The following RCOR3 variants were observed in gnomAD, a reference collection of about 807,000 sequenced individuals.
RCOR3 encodes REST corepressor 3.
A neutral mutation model predicts 64.1 loss-of-function variants in RCOR3; 13 were observed. The ratio of observed to expected loss-of-function variants is 0.20; its 90% confidence interval spans 0.13 to 0.32. RCOR3 has a LOEUF of 0.32. RCOR3 is among the 10% of genes least tolerant of loss of function. RCOR3 has a pLI of 1.00. For missense variants in RCOR3, 489 were observed against 701.2 expected, an observed-to-expected ratio of 0.70 and a Z score of 3.42; for synonymous variants, 215 against 239.0, an observed-to-expected ratio of 0.90 and a Z score of 0.93.
chr1:211,269,089 AC>A (rs1235266826), intron 2 of RCOR3, among the ~76,000 whole-genome samples: 1 of 152,232 alleles, frequency 6.6e-6, no homozygotes, highest in Non-Finnish European at 1.5e-5. Flanking sequence ...ATAAAGGATT[AC>A]AGTTTAACCT....
At chr1:211,274,879 A>G (rs1696735680) in intron 4 of RCOR3, among the ~76,000 whole-genome samples, 1 of 151,874 alleles carries the variant, frequency 6.6e-6, no homozygotes, top group South Asian at 2.1e-4. Context: ...CACTATAATT[A>G]GATCTATTGG....
chr1:211,285,257 G>C (rs1295924638), intron 7 of RCOR3, among the ~76,000 whole-genome samples: 1 of 152,194 alleles, frequency 6.6e-6, no homozygotes, highest in East Asian at 1.9e-4. Flanking sequence ...TGATCGTAAA[G>C]AGAATCGTTT....
At chr1:211,270,204 A>C (rs945152427) in intron 2 of RCOR3, among the ~76,000 whole-genome samples, 9 of 151,684 alleles carry the variant, frequency 5.9e-5, no homozygotes, top group African/African-American at 2.2e-4. Context: ...GCTGGATTAC[A>C]GGTGCGCGCC....
intron 8 of RCOR3, among the ~76,000 whole-genome samples, chr1:211,292,086 C>G (rs1214640048): frequency 6.6e-6 from 1 of 152,170 alleles, no homozygotes; most frequent in African/African-American, 2.4e-5. Flanking sequence ...AAAAAAAAAT[C>G]ACTTATGAAC....
chr1:211,271,678 A>G (rs1696226855), intron 3 of RCOR3: 1 of 367,990 alleles, frequency 2.7e-6, no homozygotes, highest in Non-Finnish European at 5.4e-6. Flanking sequence ...AGAGCCCACT[A>G]TCATTACCAT....
chr1:211,284,052 A>AT (rs1448190859), intron 7 of RCOR3, among the ~76,000 whole-genome samples: 6 of 150,316 alleles, frequency 4.0e-5, no homozygotes, highest in Admixed American at 2.0e-4. Context: ...ATTTTATTTT[A>AT]TTTATTTATT....
intron 3 of RCOR3, among the ~76,000 whole-genome samples, chr1:211,272,612 C>T (rs1265782360): frequency 1.8e-3 from 77 of 43,498 alleles, no homozygotes; most frequent in South Asian, 6.3e-3. Flanking sequence ...GGATGTCTTA[C>T]TTTTTTTTTT....
chr1:211,270,206 G>A (rs950557779), intron 2 of RCOR3, among the ~76,000 whole-genome samples: 1 of 151,894 alleles, frequency 6.6e-6, no homozygotes, highest in African/African-American at 2.4e-5. Flanking sequence ...TGGATTACAG[G>A]TGCGCGCCAC....
At chr1:211,310,702 A>G (rs767941730) in intron 10 of RCOR3, among the ~76,000 whole-genome samples, 1 of 152,208 alleles carries the variant, frequency 6.6e-6, no homozygotes, top group Admixed American at 6.5e-5. Context: ...AAGAAGGGGC[A>G]CTTATTTAAT....
In RCOR3 at chr1:211,259,587, C is replaced by T. The variant is rs1693807801; in HGVS notation, c.27C>T (p.Pro9=). The T allele has an allele frequency of 6.5e-7, 1 of 1,548,580 alleles. No homozygotes were observed. Among genetic ancestry groups the T allele is most frequent in the South Asian group, 1.2e-5 (1 of 84,020 alleles). MPGMMEKG[P]ELLGKNRSAN... ...TGCCCGGCATGATGGAGAAAGGGCC[C>T]GAGTTACTGGGGAAGAACCGATCGG... is the stretch of plus-strand genomic sequence containing the variant. The change falls in exon 1 of 12, where the codon CCC becomes CCT. Residue 9 remains proline (P), a synonymous_variant. Coordinates refer to ENST00000419091, the MANE Select transcript of RCOR3 (RefSeq NM_001136223.3).
intron 10 of RCOR3, among the ~76,000 whole-genome samples, chr1:211,308,662 TTTTTTTTTTTG>T (rs747887795): frequency 0.19 from 9,584 of 49,156 alleles, 320 homozygotes; most frequent in Middle Eastern, 0.33. Flanking sequence ...TTTGGATGTG[TTTTTTTTTTTG>T]TTTTTTTTTT....
intron 10 of RCOR3, among the ~76,000 whole-genome samples, chr1:211,306,671 C>T (rs1700880884): frequency 1.3e-5 from 2 of 152,110 alleles, no homozygotes; most frequent in Admixed American, 6.5e-5. Flanking sequence ...CATTTCCTTT[C>T]GTAGGGCTTA....
At chr1:211,293,065 C>G (rs1478252382) in intron 8 of RCOR3, among the ~76,000 whole-genome samples, 1 of 148,916 alleles carries the variant, frequency 6.7e-6, no homozygotes, top group Non-Finnish European at 1.5e-5. Context: ...GCCTGGGCGA[C>G]AGAGTGAGAC....
At chr1:211,274,721 CTT>C (rs540261698) in intron 4 of RCOR3, among the ~76,000 whole-genome samples, 110 of 151,856 alleles carry the variant, frequency 7.2e-4, no homozygotes, top group African/African-American at 2.6e-3. Context: ...ATATTTAAGA[CTT>C]TTAAATTTTG....
At chr1:211,286,642 C>T (rs576421514) in intron 7 of RCOR3, among the ~76,000 whole-genome samples, 138 of 152,234 alleles carry the variant, frequency 9.1e-4, no homozygotes, top group African/African-American at 3.2e-3. Flanking sequence ...ATTGTATACT[C>T]TGAAAATTTT....
rs1701858815 is a variant in RCOR3, at chr1:211,316,253, TG to T, written c.*2486del. On this transcript the variant is annotated 3_prime_UTR_variant, in exon 12 of 12. Transcript: ENST00000419091. ...CATCTTATAAAACTAATGGAAACAA[TG>T]TTTTTCTATATGATTTAATTCTAGT... 1 of 152,176 alleles carries T rather than the reference TG, an allele frequency of 6.6e-6. No homozygotes were observed. The highest frequency in any genetic ancestry group is 2.4e-5 in the African/African-American group (1 of 41,456). 9.4% of individuals were successfully genotyped at this position (152,176 alleles called of 1,614,324 possible).
chr1:211,302,701 T>A (rs956389248), intron 9 of RCOR3: 1 of 152,212 alleles, frequency 6.6e-6, no homozygotes, highest in Non-Finnish European at 1.5e-5. Context: ...TTGACCTGTT[T>A]TAAATTGATT....
intron 10 of RCOR3, among the ~76,000 whole-genome samples, chr1:211,308,694 T>TTG (rs1553264284): frequency 1.2e-4 from 7 of 59,840 alleles, no homozygotes; most frequent in African/African-American, 3.7e-4. Context: ...GTTTTTTTTT[T>TTG]TTTTTGTGTA....
At chr1:211,309,190 C>CA (rs1701250091) in intron 10 of RCOR3, among the ~76,000 whole-genome samples, 1 of 142,820 alleles carries the variant, frequency 7.0e-6, no homozygotes, top group African/African-American at 2.6e-5. Flanking sequence ...AAGATTAAAA[C>CA]AAAAAAATTG....
Sources: allele counts gnomAD v4.1 joint callset (sites outside exome capture counted in the v4.1 genomes callset), GRCh38; gene constraint gnomAD v4.1.1; transcripts MANE v1.5; gene names NCBI Gene and HGNC (gene_info 2026-07-23, HGNC 2026-07-21).